CLASP1: variants seen among roughly 807,000 people sequenced by gnomAD.
The protein encoded by CLASP1 is cytoplasmic linker associated protein 1, also known as CLIP-associating protein 1.
CLASP1 carries 38 observed loss-of-function variants against 192.3 expected under a neutral mutation model. The ratio of observed to expected loss-of-function variants is 0.20; its 90% CI spans 0.15 to 0.26. The LOEUF is 0.26. Ranked by LOEUF, CLASP1 falls within the 10% of genes least tolerant of loss-of-function variation. CLASP1 has a pLI of 1.00. For missense variants in CLASP1, 1,433 were observed against 1,932.5 expected, an observed-to-expected ratio of 0.74 and a Z score of 4.85; for synonymous variants, 691 against 712.8, an observed-to-expected ratio of 0.97 and a Z score of 0.49.
At chr2:121,377,636 C>A (rs757506553) in exon 34 of CLASP1, 1 of 1,573,348 alleles carries the variant, frequency 6.4e-7, no homozygotes, top group South Asian at 1.2e-5. Context: ...TTCTCTGTAT[C>A]ATAGTCCAGC....
At chr2:121,430,283 A>C (rs1376938735) in intron 19 of CLASP1, 106 bp from the exon 20 acceptor site, 1 of 759,880 alleles carries the variant, frequency 1.3e-6, no homozygotes. Context: ...AGCCAACTAC[A>C]TGGGGAGCAA....
intron 23 of CLASP1, 71 bp downstream of exon 23, chr2:121,418,551 C>T (rs1187471212): frequency 2.3e-5 from 24 of 1,043,510 alleles, no homozygotes; most frequent in Non-Finnish European, 3.3e-5. Flanking sequence ...CAGGTCATTC[C>T]GCCTAGCAGT....
intron 9 of CLASP1, among the ~76,000 whole-genome samples, chr2:121,468,828 A>G (rs1326497103): frequency 6.6e-6 from 1 of 152,094 alleles, no homozygotes; most frequent in African/African-American, 2.4e-5. Context: ...GTTATTATCC[A>G]CATTCTGAGG....
intron 19 of CLASP1, among the ~76,000 whole-genome samples, chr2:121,440,664 C>T (rs1004361598): frequency 6.6e-6 from 1 of 152,066 alleles, no homozygotes; most frequent in Non-Finnish European, 1.5e-5. Flanking sequence ...GTACTCTAAC[C>T]TAAGTGACAG....
chr2:121,358,673 C>T (rs1156817887), intron 37 of CLASP1, among the ~76,000 whole-genome samples: 5 of 152,196 alleles, frequency 3.3e-5, no homozygotes, highest in Non-Finnish European at 5.9e-5. Context: ...TAACTTTGGT[C>T]TGATTTTGCC....
chr2:121,477,309 C>T (rs1336126896), intron 8 of CLASP1, among the ~76,000 whole-genome samples: 1 of 152,106 alleles, frequency 6.6e-6, no homozygotes, highest in Non-Finnish European at 1.5e-5. Context: ...GCTTTTATTA[C>T]TTTTTTAACG....
exon 40 of CLASP1, chr2:121,340,617 G>A (rs909652978): frequency 6.4e-6 from 3 of 467,334 alleles, no homozygotes; most frequent in Admixed American, 7.3e-5. Context: ...ACATGTTTCA[G>A]TATGGCTCTT....
At chr2:121,339,114 CACAA>C (rs1001490210) in exon 40 of CLASP1, 2 of 149,366 alleles carry the variant, frequency 1.3e-5, no homozygotes, top group Non-Finnish European at 2.9e-5. Context: ...AGGGTGCACG[CACAA>C]ACACACACAA....
At position 121,488,706 on chromosome 2, in the gene CLASP1, A is replaced by G. The variant is rs190078065; in HGVS notation, c.712+14461T>C. ...CGCAGGAAAGTGCTCTGAAAACACT[A>G]AAGTACTCTACACACCTTGGGAGAC... is the stretch of plus-strand genomic sequence containing the variant. On this transcript the variant is annotated intron_variant, in intron 8 of 39. Transcript: ENST00000263710. Among the ~76,000 whole-genome samples the G allele has an allele frequency of 1.2e-3, 178 of 152,350 alleles. 2 individuals are homozygous for G. The highest frequency in any genetic ancestry group is 1.7e-3 in the Non-Finnish European group (116 of 68,032).
At chr2:121,347,288 C>A in intron 38 of CLASP1, 134 bp from the exon 40 acceptor site, 1 of 633,660 alleles carries the variant, frequency 1.6e-6, no homozygotes, top group Non-Finnish European at 2.8e-6. Context: ...GGATAGACCT[C>A]AGCCCCGCAA....
intron 8 of CLASP1, among the ~76,000 whole-genome samples, chr2:121,479,056 C>CCCCCACA (rs2092364773): frequency 9.9e-6 from 1 of 101,216 alleles, no homozygotes; most frequent in African/African-American, 4.6e-5. Flanking sequence ...CACCCCCCCC[C>CCCCCACA]CACACACACA....
intron 35 of CLASP1, among the ~76,000 whole-genome samples, 162 bp downstream of exon 36, chr2:121,367,426 A>G (rs1369002416): frequency 2.6e-5 from 4 of 152,200 alleles, no homozygotes; most frequent in Non-Finnish European, 5.9e-5. Flanking sequence ...CCAAGCGCAC[A>G]GTAGGGATTC....
Position 121,459,984 on chromosome 2 carries a change from A to G in CLASP1, c.1174T>C (p.Leu392=), listed in dbSNP as rs374209036. ...ATGGAGCATCGCAGTCCTTACCCCA[A>G]CGTGATACAAGCCTCCCGCACTACC... The change falls in exon 12 of 40, where the codon TTG becomes CTG. Residue 392 remains leucine (L), a synonymous_variant. Coordinates refer to ENST00000263710, the Ensembl canonical transcript of CLASP1. 73 of 1,611,928 alleles carry G rather than the reference A, an allele frequency of 4.5e-5. 1 individual carries two copies. The highest frequency in any genetic ancestry group is 5.5e-5 in the Non-Finnish European group (65 of 1,179,054).
At chr2:121,355,655 T>G (rs967540031) in intron 37 of CLASP1, among the ~76,000 whole-genome samples, 9 of 152,196 alleles carry the variant, frequency 5.9e-5, no homozygotes, top group African/African-American at 2.2e-4. Context: ...AGGGTGAACT[T>G]CAGGTTTTGC....
chr2:121,452,921 C>T lies in CLASP1; in HGVS notation c.1386-1072G>A, dbSNP rs1228492479. ...CGCACAAATCAGAAGTAAAATCTTT[C>T]TCTAAAGAAATGACCAGACTTTCTT... On this transcript the variant is annotated intron_variant, in intron 14 of 39. Transcript: ENST00000263710. 3.3e-5 allele frequency among the ~76,000 whole-genome samples: 5 copies of T among 152,224 alleles called. No individual in the cohort carries two copies. In the East Asian group the frequency reaches 5.8e-4, roughly 18 times the overall value.
intron 1 of CLASP1, among the ~76,000 whole-genome samples, chr2:121,641,469 T>C (rs868548821): frequency 2.6e-5 from 4 of 152,314 alleles, no homozygotes; most frequent in Middle Eastern, 6.8e-3. Context: ...GATCACATTC[T>C]GATGTGGACA....
At chr2:121,434,147 C>T (rs1004736991) in intron 19 of CLASP1, among the ~76,000 whole-genome samples, 2 of 152,212 alleles carry the variant, frequency 1.3e-5, no homozygotes, top group South Asian at 2.1e-4. Context: ...AAACTACTCA[C>T]ATTGCTTGTT....
At chr2:121,600,924 G>A (rs1272954323) in intron 2 of CLASP1, among the ~76,000 whole-genome samples, 4 of 152,208 alleles carry the variant, frequency 2.6e-5, no homozygotes, top group Non-Finnish European at 4.4e-5. Flanking sequence ...TTCCAGTGGT[G>A]CTGGGATGGG....
intron 8 of CLASP1, among the ~76,000 whole-genome samples, chr2:121,483,470 GTATATATGTATGTATA>G (rs2092746810): frequency 6.6e-6 from 1 of 150,568 alleles, no homozygotes; most frequent in African/African-American, 2.4e-5. Context: ...GTGTGTGTGT[GTATATATGTATGTATA>G]TATATATGTG....
Sources: allele counts gnomAD v4.1 joint callset (sites outside exome capture counted in the v4.1 genomes callset), GRCh38; gene constraint gnomAD v4.1.1; transcripts MANE v1.5; gene names NCBI Gene and HGNC (gene_info 2026-07-23, HGNC 2026-07-21).